IFT140: variants seen among roughly 807,000 people sequenced by gnomAD.
IFT140 encodes intraflagellar transport 140.
Under a neutral mutation model 164.6 loss-of-function variants are expected in IFT140, and 133 were observed. The observed-to-expected ratio is 0.81, with a 90% CI of 0.70 to 0.93. The LOEUF is 0.93. Among genes scored for constraint, IFT140 ranks in the 40% least tolerant of loss-of-function variants. IFT140 has a pLI of 0.00. For missense variants in IFT140, 2,045 were observed against 1,972.3 expected (o/e 1.04, Z -0.70); for synonymous variants, 860 against 817.3 (o/e 1.05, Z -0.89).
At chr16:1,570,177 T>C (rs1334082454) in intron 14 of IFT140, among the ~76,000 whole-genome samples, 1 of 152,176 alleles carries the variant, frequency 6.6e-6, no homozygotes, top group African/African-American at 2.4e-5. Context: ...CATAGCTCCT[T>C]TATTGGAGGA....
At position 1,511,054 on chromosome 16, in the gene IFT140, G is replaced by GC. The variant is rs764619383; in HGVS notation, c.4278dup (p.Leu1427AlafsTer34). The GC allele has an allele frequency of 4.4e-6, 7 of 1,607,192 alleles. No homozygotes were observed. Among genetic ancestry groups the GC allele is most frequent in the Non-Finnish European group, 5.9e-6 (7 of 1,176,750 alleles). ...ACGGTGCGTGGCAGTGGGAGACCCA[G>GC]CCCCCGGTGCACGGCGTCCACGGCC... On this transcript the variant is annotated frameshift_variant, in exon 31 of 31. Coordinates refer to ENST00000426508, the MANE Select transcript of IFT140 (RefSeq NM_014714.4). LOFTEE classifies it low-confidence loss of function (END_TRUNC).
At chr16:1,555,062 C>A in intron 19 of IFT140, 1 of 1,579,464 alleles carries the variant, frequency 6.3e-7, no homozygotes. Context: ...CGCACACCTG[C>A]TATCGTGGAA....
At chr16:1,554,901 C>T in intron 19 of IFT140, 1 of 1,614,248 alleles carries the variant, frequency 6.2e-7, no homozygotes, top group South Asian at 1.1e-5. Flanking sequence ...GGCAGCCATG[C>T]TCATCTGGAA....
At chr16:1,517,415 C>G (rs774122563) in intron 30 of IFT140, among the ~76,000 whole-genome samples, 2 of 151,524 alleles carry the variant, frequency 1.3e-5, no homozygotes, top group Non-Finnish European at 2.9e-5. Context: ...AGACTTGAAG[C>G]CTTCACAGAA....
intron 13 of IFT140, among the ~76,000 whole-genome samples, chr16:1,573,525 G>T (rs1049643140): frequency 2.6e-5 from 4 of 151,878 alleles, no homozygotes; most frequent in Non-Finnish European, 5.9e-5. Flanking sequence ...AAGGCACCAC[G>T]AACTCGAACT....
chr16:1,588,288 G>A (rs901615807), intron 7 of IFT140, among the ~76,000 whole-genome samples: 2 of 152,146 alleles, frequency 1.3e-5, no homozygotes, highest in Middle Eastern at 3.2e-3. Flanking sequence ...CACTTTGGGA[G>A]GCCGAGGCAG....
At chr16:1,521,533 C>T (rs1406709652) in intron 26 of IFT140, among the ~76,000 whole-genome samples, 3 of 151,956 alleles carry the variant, frequency 2.0e-5, no homozygotes, top group Non-Finnish European at 4.4e-5. Context: ...GGATTACAGG[C>T]GCCCGCCACC....
intron 15 of IFT140, 78 bp from the exon 16 acceptor site, chr16:1,566,369 A>G: frequency 3.5e-6 from 5 of 1,434,886 alleles, no homozygotes; most frequent in Non-Finnish European, 4.8e-6. Context: ...GGGGACTGAC[A>G]CAGCACATGT....
intron 14 of IFT140, 149 bp downstream of exon 14, chr16:1,571,258 A>G (rs779038601): frequency 2.8e-6 from 2 of 716,474 alleles, no homozygotes; most frequent in Admixed American, 3.0e-5. Flanking sequence ...CTGAGCCCCA[A>G]CATGAGGCAT....
intron 4 of IFT140, among the ~76,000 whole-genome samples, chr16:1,599,331 TC>T (rs1339025248): frequency 3.3e-5 from 2 of 61,258 alleles, no homozygotes; most frequent in African/African-American, 1.1e-4. Flanking sequence ...GTGGGGGGGG[TC>T]AGCCCCCGCC....
At chr16:1,530,710 A>C (rs1243129037) in intron 19 of IFT140, 2 of 151,216 alleles carry the variant, frequency 1.3e-5, no homozygotes, top group Non-Finnish European at 2.9e-5. Flanking sequence ...GGGGAGCGGG[A>C]GAGAGCCCGC....
chr16:1,558,471 C>T (rs540189811), intron 18 of IFT140, among the ~76,000 whole-genome samples: 7 of 152,314 alleles, frequency 4.6e-5, no homozygotes, highest in Admixed American at 2.0e-4. Flanking sequence ...GTACCCTCTA[C>T]GGGTATTTTT....
At chr16:1,535,757 G>A (rs1370257024) in intron 19 of IFT140, among the ~76,000 whole-genome samples, 5 of 152,208 alleles carry the variant, frequency 3.3e-5, no homozygotes, top group African/African-American at 4.8e-5. Context: ...AAAGGCCCTC[G>A]GCTGCACCGC....
chr16:1,525,844 C>T (rs754207628), intron 21 of IFT140, 43 bp downstream of exon 21: 18 of 1,480,210 alleles, frequency 1.2e-5, no homozygotes, highest in Non-Finnish European at 1.4e-5. Flanking sequence ...CAAGCCAGGG[C>T]CATCCAGAGA....
At chr16:1,554,047 A>G in intron 19 of IFT140, 3 of 1,287,224 alleles carry the variant, frequency 2.3e-6, no homozygotes, top group Non-Finnish European at 3.0e-6. Flanking sequence ...GGCTCTGGAA[A>G]GAGAGGGGAA....
At position 1,599,797 on chromosome 16, in the gene IFT140, CCCGG is replaced by C. The variant is rs1426061863; in HGVS notation, c.369+2569_369+2572del. Among the ~76,000 whole-genome samples the C allele has an allele frequency of 7.6e-5, 6 of 79,360 alleles. 1 individual carries two copies. The highest frequency in any genetic ancestry group is 6.7e-4 in the Admixed American group (6 of 8,964). The allele number at this position is 79,360 out of a possible 152,430, so 52.1% of individuals were successfully genotyped here. On this transcript the variant is annotated intron_variant, in intron 4 of 30. Transcript: ENST00000426508. ...GGGAGGTGGGGGTGTCAGCCCCCCG[CCCGG>C]CCAGCCGCCCCGTCCAGGAGGGAGG...
chr16:1,596,234 C>T lies in IFT140; in HGVS notation c.370-3646G>A, dbSNP rs573924315. 7.9e-5 allele frequency among the ~76,000 whole-genome samples: 12 copies of T among 151,840 alleles called. No individual in the cohort carries two copies. In the South Asian group the frequency reaches 1.5e-3, roughly 18 times the overall value. The stretch of plus-strand genomic sequence containing the variant: ...CAGCCTCCTCCCTGGAGCCGAGGAC[C>T]GCAGTGGCTCCCGTGTCTGCAAAGC... On this transcript the variant is annotated intron_variant, in intron 4 of 30. Transcript: ENST00000426508.
intron 3 of IFT140, among the ~76,000 whole-genome samples, chr16:1,603,022 C>T (rs1445706063): frequency 6.6e-6 from 1 of 152,184 alleles, no homozygotes; most frequent in East Asian, 1.9e-4. Context: ...GCTATTAAGG[C>T]AATGGGGCAA....
chr16:1,585,687 T>A (rs1409483009), intron 10 of IFT140, among the ~76,000 whole-genome samples: 1 of 152,142 alleles, frequency 6.6e-6, no homozygotes, highest in Non-Finnish European at 1.5e-5. Flanking sequence ...TTAAAATGTC[T>A]TATTATTGTT....
Sources: allele counts gnomAD v4.1 joint callset (sites outside exome capture counted in the v4.1 genomes callset), GRCh38; gene constraint gnomAD v4.1.1; transcripts MANE v1.5; gene names NCBI Gene and HGNC (gene_info 2026-07-23, HGNC 2026-07-21).